Variants in PTPRT observed in about 807,000 individuals in gnomAD.
PTPRT encodes the protein receptor-type tyrosine-protein phosphatase T.
Under a neutral mutation model 176.8 loss-of-function variants are expected in PTPRT, and 56 were observed. That is an observed-to-expected ratio of 0.32 (90% CI 0.26 to 0.40). The LOEUF (loss-of-function observed/expected upper bound fraction) is 0.40. PTPRT is among the 10% of genes least tolerant of loss of function. The probability of loss-of-function intolerance (pLI) is 1.00; values close to 1 mark genes in which losing one functional copy is unlikely to be tolerated. For missense variants in PTPRT, 1,540 were observed against 1,908.2 expected (o/e 0.81, Z 3.60); for synonymous variants, 783 against 739.0 (o/e 1.06, Z -0.96).
At position 43,020,234 on chromosome 20, in the gene PTPRT, T is replaced by TAC. The variant is rs11472116; in HGVS notation, c.89-134303_89-134302insGT. On this transcript the variant is annotated intron_variant, in intron 1 of 30. Transcript: ENST00000373187. Reference sequence around the variant, plus strand: ...GATATTTAATTATGTAATATATATATATATATTTATGTTATATATATATTT... The same window carrying TAC: ...GATATTTAATTATGTAATATATATATACATATATTTATGTTATATATATATTT... Among the ~76,000 whole-genome samples the TAC allele has an allele frequency of 2.0e-5, 3 of 147,602 alleles. No individual in the cohort carries two copies. The Admixed American group carries it at 2.0e-4, about 10-fold the overall frequency.
At chr20:42,959,770 C>T (rs1425167492) in intron 1 of PTPRT, among the ~76,000 whole-genome samples, 1 of 152,176 alleles carries the variant, frequency 6.6e-6, no homozygotes, top group Non-Finnish European at 1.5e-5. Context: ...ACAAGCCATT[C>T]CTTGGTTCTG....
At chr20:42,933,660 G>A (rs1980004382) in intron 1 of PTPRT, among the ~76,000 whole-genome samples, 1 of 152,146 alleles carries the variant, frequency 6.6e-6, no homozygotes, top group Non-Finnish European at 1.5e-5. Flanking sequence ...TTATCTCAAA[G>A]CTTTTAGTTT....
intron 6 of PTPRT, among the ~76,000 whole-genome samples, chr20:42,751,554 C>T (rs1365719326): frequency 6.6e-6 from 1 of 152,138 alleles, no homozygotes; most frequent in African/African-American, 2.4e-5. Context: ...ATATTTGAGT[C>T]AGCGGACTGG....
At chr20:42,148,095 T>G (rs1240633033) in intron 17 of PTPRT, among the ~76,000 whole-genome samples, 1 of 152,150 alleles carries the variant, frequency 6.6e-6, no homozygotes, top group African/African-American at 2.4e-5. Flanking sequence ...CTAATCACAT[T>G]CTTTTGAAAC....
At chr20:42,809,177 C>A (rs751518344) in intron 2 of PTPRT, among the ~76,000 whole-genome samples, 39 of 152,230 alleles carry the variant, frequency 2.6e-4, no homozygotes, top group Non-Finnish European at 5.0e-4. Context: ...GTGCCATCAT[C>A]ACGTCACTGC....
Position 43,009,380 on chromosome 20 carries a change from T to C in PTPRT, c.89-123448A>G, listed in dbSNP as rs368940645. On this transcript the variant is annotated intron_variant, in intron 1 of 30. Coordinates refer to ENST00000373187, the MANE Select transcript of PTPRT (RefSeq NM_007050.6). ...CATCCTTGGGGAACCTACAGGCTAC[T>C]GGGGTAAAGGCCTATCAATAAACAC... Among the ~76,000 whole-genome samples, 303 of 152,210 alleles carry C rather than the reference T, an allele frequency of 2.0e-3. 5 individuals are homozygous for C. The South Asian group carries it at 0.037, about 19-fold the overall frequency.
intron 7 of PTPRT, among the ~76,000 whole-genome samples, chr20:42,517,364 C>T (rs1172282610): frequency 6.6e-6 from 1 of 151,802 alleles, no homozygotes; most frequent in Middle Eastern, 3.3e-3. Context: ...TATTTTTTCA[C>T]ATATAATATG....
chr20:42,419,385 C>CCT (rs1390412151), intron 9 of PTPRT, among the ~76,000 whole-genome samples: 1 of 152,156 alleles, frequency 6.6e-6, no homozygotes, highest in Non-Finnish European at 1.5e-5. Context: ...GCCTACAGTA[C>CCT]CAGGGCAGCA....
At chr20:43,090,017 C>T (rs574498770) in intron 1 of PTPRT, among the ~76,000 whole-genome samples, 45 of 152,266 alleles carry the variant, frequency 3.0e-4, no homozygotes, top group African/African-American at 8.4e-4. Context: ...CTCACCTGCC[C>T]GTGGACAAAC....
At chr20:42,980,345 T>C (rs767765356) in intron 1 of PTPRT, among the ~76,000 whole-genome samples, 2 of 152,202 alleles carry the variant, frequency 1.3e-5, no homozygotes, top group African/African-American at 4.8e-5. Context: ...TTCTGTAACC[T>C]TGGGCAAGAC....
intron 7 of PTPRT, among the ~76,000 whole-genome samples, chr20:42,486,382 A>T (rs989582325): frequency 8.5e-5 from 13 of 152,074 alleles, no homozygotes; most frequent in Non-Finnish European, 2.9e-5. Flanking sequence ...TCCACTTTCC[A>T]TCTTCCTCCA....
At chr20:42,156,789 C>T (rs1023056226) in intron 17 of PTPRT, among the ~76,000 whole-genome samples, 2 of 152,206 alleles carry the variant, frequency 1.3e-5, no homozygotes, top group Non-Finnish European at 2.9e-5. Context: ...CCAACCACAT[C>T]TCACCACCTC....
intron 8 of PTPRT, among the ~76,000 whole-genome samples, chr20:42,452,378 G>T (rs1395585217): frequency 2.6e-5 from 4 of 152,014 alleles, no homozygotes; most frequent in South Asian, 2.1e-4. Context: ...TTGAAAGAAG[G>T]GTTCTCTCCT....
At chr20:42,192,284 T>G (rs1991032250) in intron 16 of PTPRT, among the ~76,000 whole-genome samples, 1 of 152,182 alleles carries the variant, frequency 6.6e-6, no homozygotes, top group Non-Finnish European at 1.5e-5. Context: ...TTAAGGAATC[T>G]TTACAAAGAG....
chr20:42,503,042 CCT>C (rs1226728068), intron 7 of PTPRT, among the ~76,000 whole-genome samples: 3 of 151,824 alleles, frequency 2.0e-5, no homozygotes, highest in Non-Finnish European at 4.4e-5. Context: ...GTTAAGGTAT[CCT>C]CTTTTATTCC....
In PTPRT at chr20:42,119,963, A is replaced by G. The variant is rs752444215; in HGVS notation, c.2856T>C (p.His952=). The G allele has an allele frequency of 1.2e-6, 2 of 1,608,762 alleles. No individual in the cohort carries two copies. The highest frequency in any genetic ancestry group is 1.1e-5 in the South Asian group (1 of 90,324). The stretch of plus-strand genomic sequence containing the variant: ...GAGTCGCAATGTAGTGCCGAGGTCG[A>G]TGGTATCCCTGGATAACAGGAGAAA... The part of the protein sequence containing the change: ...YINANYIDGY[H]RPRHYIATQG... The change falls in exon 20 of 31, where the codon CAT becomes CAC. Residue 952 remains histidine (H), a synonymous_variant. Coordinates refer to ENST00000373187, the MANE Select transcript of PTPRT (RefSeq NM_007050.6).
intron 16 of PTPRT, among the ~76,000 whole-genome samples, chr20:42,168,331 G>T (rs914914717): frequency 6.6e-6 from 1 of 152,140 alleles, no homozygotes; most frequent in African/African-American, 2.4e-5. Context: ...ATTGCTGATG[G>T]TGATGACAAT....
rs544366782 is a variant in PTPRT at position 42,632,803 on chromosome 20, C to T, written c.1153+45063G>A. Among the ~76,000 whole-genome samples the T allele has an allele frequency of 2.0e-5, 3 of 151,960 alleles. No individual in the cohort carries two copies. In the East Asian group the frequency reaches 5.8e-4, roughly 29 times the overall value. Reference sequence around the variant, plus strand: ...AAATCATCAAGCCTAAGGATGGTCTCAGGGACCCCTGACATAGGGCTAGCA... The same window carrying T: ...AAATCATCAAGCCTAAGGATGGTCTTAGGGACCCCTGACATAGGGCTAGCA... On this transcript the variant is annotated intron_variant, in intron 7 of 30. Transcript: ENST00000373187.
chr20:42,946,665 T>C (rs1980901208), intron 1 of PTPRT, among the ~76,000 whole-genome samples: 1 of 152,180 alleles, frequency 6.6e-6, no homozygotes, highest in Admixed American at 6.5e-5. Flanking sequence ...TACTTCCTAG[T>C]GGGAGTATCA....
Sources: allele counts gnomAD v4.1 joint callset (sites outside exome capture counted in the v4.1 genomes callset), GRCh38; gene constraint gnomAD v4.1.1; transcripts MANE v1.5; gene names NCBI Gene and HGNC (gene_info 2026-07-23, HGNC 2026-07-21).